The following NAALADL2 variants were observed in gnomAD, a reference collection of about 807,000 sequenced individuals.
NAALADL2 encodes the protein N-acetylated alpha-linked acidic dipeptidase like 2.
A neutral mutation model predicts 87.2 loss-of-function variants in NAALADL2; 76 were observed. The observed-to-expected ratio is 0.87, with a 90% CI of 0.72 to 1.05. The LOEUF (loss-of-function observed/expected upper bound fraction) is 1.05, where lower values mean the gene tolerates loss of function less well. Ranked by LOEUF, NAALADL2 falls within the 50% of genes least tolerant of loss-of-function variation. The pLI, the probability that NAALADL2 is intolerant of heterozygous loss-of-function variation, is 0.00. For missense variants in NAALADL2, 1,089 were observed against 945.8 expected (o/e 1.15, Z -1.99); for synonymous variants, 354 against 331.0 (o/e 1.07, Z -0.75).
chr3:174,907,959 C>T (rs1424702009), intron 1 of NAALADL2, among the ~76,000 whole-genome samples: 5 of 150,900 alleles, frequency 3.3e-5, no homozygotes, highest in African/African-American at 9.8e-5. Flanking sequence ...CAGTTGCTTT[C>T]CAGCATTAAG....
At chr3:175,135,434 T>TAC (rs72585461) in intron 2 of NAALADL2, among the ~76,000 whole-genome samples, 2 of 151,616 alleles carry the variant, frequency 1.3e-5, no homozygotes, top group African/African-American at 4.8e-5. Flanking sequence ...CACAAAAACA[T>TAC]AAACACAGAT....
intron 4 of NAALADL2, among the ~76,000 whole-genome samples, chr3:175,318,895 T>C (rs2110373383): frequency 6.6e-6 from 1 of 152,374 alleles, no homozygotes; most frequent in East Asian, 1.9e-4. Flanking sequence ...AGCAGCTTTT[T>C]TAGTCTGCCT....
At chr3:175,013,107 TTTATATATAAATA>T (rs1199781819) in intron 1 of NAALADL2, among the ~76,000 whole-genome samples, 125 of 6,160 alleles carry the variant, frequency 0.02, 1 homozygote, top group East Asian at 0.17. Context: ...AATATACATA[TTTATATATAAATA>T]TACATATTTA....
At chr3:174,575,539 C>T (rs908070687) in intron 2 of NAALADL2, among the ~76,000 whole-genome samples, 8 of 152,062 alleles carry the variant, frequency 5.3e-5, no homozygotes, top group South Asian at 2.1e-4. Flanking sequence ...AAAGCATTCA[C>T]GAATATTGTC....
In NAALADL2 at chr3:175,484,770, C is replaced by T. The variant is rs566694371; in HGVS notation, c.1653+13012C>T. Reference sequence around the variant, plus strand: ...AAATTACATTGGTTAAATTAGCAACCTTACCCAGGAGCATGAACACTTGAT... The same window carrying T: ...AAATTACATTGGTTAAATTAGCAACTTTACCCAGGAGCATGAACACTTGAT... On this transcript the variant is annotated intron_variant, in intron 9 of 13. Transcript: ENST00000454872. 1.9e-4 allele frequency among the ~76,000 whole-genome samples: 29 copies of T among 152,194 alleles called. No individual in the cohort carries two copies. The South Asian group carries it at 6.0e-3, about 32-fold the overall frequency.
intron 3 of NAALADL2, among the ~76,000 whole-genome samples, chr3:174,756,921 C>G (rs1712162940): frequency 6.6e-6 from 1 of 151,724 alleles, no homozygotes; most frequent in African/African-American, 2.4e-5. Context: ...TAAACAGTTC[C>G]TTTTACATAT....
chr3:174,864,500 C>T (rs1726895939), intron 1 of NAALADL2, among the ~76,000 whole-genome samples: 1 of 152,070 alleles, frequency 6.6e-6, no homozygotes, highest in Admixed American at 6.6e-5. Context: ...GAAATTGTTT[C>T]AAAGGGAAAC....
At chr3:175,614,832 T>G (rs2149682788) in intron 10 of NAALADL2, among the ~76,000 whole-genome samples, 1 of 152,300 alleles carries the variant, frequency 6.6e-6, no homozygotes, top group East Asian at 1.9e-4. Context: ...TTTTTTTAAT[T>G]TCTAAAACTG....
intron 9 of NAALADL2, among the ~76,000 whole-genome samples, chr3:175,537,830 GA>G (rs554062005): frequency 2.4e-3 from 358 of 152,336 alleles, no homozygotes; most frequent in African/African-American, 8.0e-3. Context: ...AGCATGTACA[GA>G]ATTGGGAAGA....
At chr3:175,089,232 A>C (rs1247490655) in intron 1 of NAALADL2, among the ~76,000 whole-genome samples, 2 of 152,174 alleles carry the variant, frequency 1.3e-5, no homozygotes, top group Non-Finnish European at 2.9e-5. Context: ...CTGAGGATCC[A>C]CATAGGACCA....
At chr3:175,437,221 C>A (rs1389822274) in intron 5 of NAALADL2, among the ~76,000 whole-genome samples, 7 of 151,116 alleles carry the variant, frequency 4.6e-5, no homozygotes, top group African/African-American at 1.7e-4. Flanking sequence ...AGCCCAAAAT[C>A]TCCTTAAGCT....
chr3:175,743,694 T>A (rs1745553781), intron 12 of NAALADL2, among the ~76,000 whole-genome samples: 1 of 151,992 alleles, frequency 6.6e-6, no homozygotes, highest in Admixed American at 6.6e-5. Context: ...AGACTTCATG[T>A]CATAGTGAGA....
At chr3:174,584,366 A>T (rs1425758812) in intron 2 of NAALADL2, among the ~76,000 whole-genome samples, 1 of 152,208 alleles carries the variant, frequency 6.6e-6, no homozygotes, top group African/African-American at 2.4e-5. Flanking sequence ...TGTTTTAAAG[A>T]TTAAGTATGT....
intron 1 of NAALADL2, among the ~76,000 whole-genome samples, chr3:174,913,772 T>G (rs1160650087): frequency 6.6e-5 from 10 of 152,186 alleles, no homozygotes; most frequent in African/African-American, 2.4e-4. Context: ...TCAAGTTAAT[T>G]TTTTGGTACC....
intron 1 of NAALADL2, among the ~76,000 whole-genome samples, chr3:174,861,225 C>A (rs1343091737): frequency 6.6e-6 from 1 of 152,012 alleles, no homozygotes; most frequent in Non-Finnish European, 1.5e-5. Flanking sequence ...TATTGAAGTG[C>A]TTCCCTACCA....
chr3:175,645,659 T>A (rs1361789537), intron 11 of NAALADL2, among the ~76,000 whole-genome samples: 1 of 151,876 alleles, frequency 6.6e-6, no homozygotes, highest in Non-Finnish European at 1.5e-5. Context: ...TTCTAAGAAA[T>A]GAAAGAAGGC....
chr3:174,778,904 G>T (rs547062992), intron 3 of NAALADL2, among the ~76,000 whole-genome samples: 1 of 152,268 alleles, frequency 6.6e-6, no homozygotes, highest in African/African-American at 2.4e-5. Flanking sequence ...TTGGCTCCAA[G>T]TCTTTGCTAT....
At chr3:174,900,654 C>T (rs1732192764) in intron 1 of NAALADL2, among the ~76,000 whole-genome samples, 1 of 151,770 alleles carries the variant, frequency 6.6e-6, no homozygotes, top group Admixed American at 6.6e-5. Context: ...ATAATCTAAA[C>T]ATTTTATACC....
At chr3:175,510,102 TG>T (rs1425432201) in intron 9 of NAALADL2, among the ~76,000 whole-genome samples, 4 of 151,778 alleles carry the variant, frequency 2.6e-5, no homozygotes, top group Non-Finnish European at 5.9e-5. Context: ...ATGCGGTGTT[TG>T]GTTTTTTTTT....
Sources: allele counts gnomAD v4.1 joint callset (sites outside exome capture counted in the v4.1 genomes callset), GRCh38; gene constraint gnomAD v4.1.1; transcripts MANE v1.5; gene names NCBI Gene and HGNC (gene_info 2026-07-23, HGNC 2026-07-21).